CHST9: variants seen among roughly 807,000 people sequenced by gnomAD.
The protein encoded by CHST9 is carbohydrate sulfotransferase 9, also known as GalNAc-4-sulfotransferase 2.
Under a neutral mutation model 44.4 loss-of-function variants are expected in CHST9, and 41 were observed. That is an observed-to-expected ratio of 0.92 (90% CI 0.72 to 1.20). The LOEUF (loss-of-function observed/expected upper bound fraction) is 1.20, where lower values mean the gene tolerates loss of function less well. Ranked by LOEUF, CHST9 falls within the 50% of genes most tolerant of loss-of-function variation. The probability of loss-of-function intolerance (pLI) is 0.00; values close to 1 mark genes in which losing one functional copy is unlikely to be tolerated. For synonymous variants in CHST9, 171 were observed against 178.4 expected (o/e 0.96, Z 0.33); for missense variants, 504 against 516.5 (o/e 0.98, Z 0.23).
chr18:27,147,463 C>G (rs1327402836), intron 1 of CHST9, among the ~76,000 whole-genome samples: 1 of 152,064 alleles, frequency 6.6e-6, no homozygotes, highest in African/African-American at 2.4e-5. Context: ...AACCAGGAGT[C>G]GGGGGCTTGC....
intron 2 of CHST9, among the ~76,000 whole-genome samples, chr18:27,054,629 C>T (rs2057631210): frequency 6.6e-6 from 1 of 152,118 alleles, no homozygotes; most frequent in Non-Finnish European, 1.5e-5. Flanking sequence ...TGTCAATTTA[C>T]AGTACATTTC....
At chr18:26,961,577 C>A (rs374106790) in intron 4 of CHST9, among the ~76,000 whole-genome samples, 1 of 152,022 alleles carries the variant, frequency 6.6e-6, no homozygotes, top group East Asian at 1.9e-4. Context: ...TAGAGGCATG[C>A]GTCACTGCAC....
chr18:27,071,841 A>T (rs770509346), intron 2 of CHST9, among the ~76,000 whole-genome samples: 2 of 152,234 alleles, frequency 1.3e-5, no homozygotes, highest in Non-Finnish European at 2.9e-5. Context: ...CATGATTCCA[A>T]GACTGCATCA....
intron 4 of CHST9, among the ~76,000 whole-genome samples, chr18:27,023,089 G>A (rs1196529688): frequency 6.6e-6 from 1 of 152,022 alleles, no homozygotes; most frequent in Non-Finnish European, 1.5e-5. Flanking sequence ...CTTTGCTATT[G>A]CCCTAGGAAT....
At chr18:27,057,824 C>A (rs766149011) in intron 2 of CHST9, among the ~76,000 whole-genome samples, 1 of 152,172 alleles carries the variant, frequency 6.6e-6, no homozygotes, top group Non-Finnish European at 1.5e-5. Flanking sequence ...AGGCGGCTGA[C>A]CTCTCTGTAA....
At chr18:26,956,479 A>ATC (rs998426943) in intron 4 of CHST9, among the ~76,000 whole-genome samples, 23 of 148,364 alleles carry the variant, frequency 1.6e-4, no homozygotes, top group African/African-American at 5.1e-4. Context: ...TTATATATAT[A>ATC]ATATACAATT....
chr18:27,115,061 ACT>A (rs1278285755), intron 2 of CHST9, among the ~76,000 whole-genome samples: 2 of 151,538 alleles, frequency 1.3e-5, no homozygotes, highest in African/African-American at 2.4e-5. Context: ...GCTTGCACTC[ACT>A]CTGTCCTGCT....
intron 1 of CHST9, among the ~76,000 whole-genome samples, chr18:27,158,352 G>T (rs1031333262): frequency 6.6e-6 from 1 of 151,070 alleles, no homozygotes; most frequent in Non-Finnish European, 1.5e-5. Context: ...AGAACATGCA[G>T]TGTTTGGTTT....
chr18:26,960,091 G>A (rs901188697), intron 4 of CHST9, among the ~76,000 whole-genome samples: 1 of 152,120 alleles, frequency 6.6e-6, no homozygotes, highest in Admixed American at 6.5e-5. Flanking sequence ...AACAGAGGAG[G>A]TGGGATGATA....
chr18:27,172,834 G>A (rs931021932), intron 1 of CHST9, among the ~76,000 whole-genome samples: 1 of 151,786 alleles, frequency 6.6e-6, no homozygotes, highest in Non-Finnish European at 1.5e-5. Context: ...TTATTATATT[G>A]TACATTAAGA....
intron 2 of CHST9, among the ~76,000 whole-genome samples, chr18:27,101,378 T>A (rs959679071): frequency 3.3e-5 from 5 of 151,560 alleles, no homozygotes; most frequent in African/African-American, 4.9e-5. Flanking sequence ...GATCACGAGG[T>A]CAGGAGATCA....
chr18:27,121,552 T>A (rs1598738941), intron 2 of CHST9, among the ~76,000 whole-genome samples: 1 of 152,296 alleles, frequency 6.6e-6, no homozygotes, highest in East Asian at 1.9e-4. Context: ...CAGAATCCAA[T>A]TTTGGTAAAT....
intron 1 of CHST9, among the ~76,000 whole-genome samples, chr18:27,169,854 G>A (rs573764424): frequency 9.9e-5 from 15 of 152,022 alleles, no homozygotes; most frequent in African/African-American, 3.4e-4. Flanking sequence ...TGATCCTCCC[G>A]CCTCGGCCTC....
At chr18:26,960,447 A>G (rs970646824) in intron 4 of CHST9, among the ~76,000 whole-genome samples, 1 of 152,232 alleles carries the variant, frequency 6.6e-6, no homozygotes, top group African/African-American at 2.4e-5. Flanking sequence ...GTAAGAGCTT[A>G]AGTTCTCACT....
intron 4 of CHST9, chr18:26,952,114 C>T: frequency 2.2e-6 from 1 of 454,754 alleles, no homozygotes; most frequent in Non-Finnish European, 4.3e-6. Flanking sequence ...AAAGAGGAAG[C>T]CACTTAGACA....
chr18:27,090,372 G>A (rs1054433632), intron 2 of CHST9, among the ~76,000 whole-genome samples: 3 of 152,068 alleles, frequency 2.0e-5, no homozygotes, highest in Non-Finnish European at 4.4e-5. Context: ...GTAGATTGCA[G>A]AAATTTTCTC....
At chr18:27,163,727 C>T (rs987963041) in intron 1 of CHST9, among the ~76,000 whole-genome samples, 1 of 152,160 alleles carries the variant, frequency 6.6e-6, no homozygotes, top group Non-Finnish European at 1.5e-5. Context: ...CTTTCTTTGA[C>T]TAGGAAAGGG....
At chr18:26,972,087 T>C (rs938101543) in intron 4 of CHST9, among the ~76,000 whole-genome samples, 5 of 152,000 alleles carry the variant, frequency 3.3e-5, no homozygotes, top group Non-Finnish European at 7.4e-5. Flanking sequence ...CCAGACGCCG[T>C]GGCTCACGTC....
chr18:26,927,833 C>A lies in CHST9; in HGVS notation c.241-10483G>T, dbSNP rs540375477. Among the ~76,000 whole-genome samples, 7 of 152,180 alleles carry A rather than the reference C, an allele frequency of 4.6e-5. No individual in the cohort carries two copies. The South Asian group carries it at 1.2e-3, about 27-fold the overall frequency. ...GCACAGACCATTTATGGGTGTCAGGCTGGGGGACGATCAGGTCTTTCCCTT... is the reference window on the plus strand; with the variant it reads ...GCACAGACCATTTATGGGTGTCAGGATGGGGGACGATCAGGTCTTTCCCTT... On this transcript the variant is annotated intron_variant, in intron 5 of 5. Transcript: ENST00000618847.
Sources: allele counts gnomAD v4.1 joint callset (sites outside exome capture counted in the v4.1 genomes callset), GRCh38; gene constraint gnomAD v4.1.1; transcripts MANE v1.5; gene names NCBI Gene and HGNC (gene_info 2026-07-23, HGNC 2026-07-21).